The following NKAIN2 variants were observed in gnomAD, a reference collection of about 807,000 sequenced individuals.
NKAIN2 encodes the protein sodium/potassium-transporting ATPase subunit beta-1-interacting protein 2.
Under a neutral mutation model 32.6 loss-of-function variants are expected in NKAIN2, and 14 were observed. The ratio of observed to expected loss-of-function variants is 0.43; its 90% CI spans 0.28 to 0.67. NKAIN2 has a LOEUF of 0.67. NKAIN2 is among the 30% of genes least tolerant of loss of function. The probability of loss-of-function intolerance (pLI) is 0.17; values close to 1 mark genes in which losing one functional copy is unlikely to be tolerated. For missense variants in NKAIN2, 198 were observed against 258.3 expected, an observed-to-expected ratio of 0.77 and a Z score of 1.60; for synonymous variants, 80 against 87.2, an observed-to-expected ratio of 0.92 and a Z score of 0.46.
chr6:124,288,654 A>G (rs527921060), intron 2 of NKAIN2, among the ~76,000 whole-genome samples: 1 of 152,276 alleles, frequency 6.6e-6, no homozygotes, highest in East Asian at 1.9e-4. Flanking sequence ...ATATATGCAT[A>G]TGTACACATT....
At chr6:124,661,849 A>T (rs183143981) in intron 4 of NKAIN2, among the ~76,000 whole-genome samples, 1 of 152,156 alleles carries the variant, frequency 6.6e-6, no homozygotes, top group Non-Finnish European at 1.5e-5. Context: ...GAGGAGATCA[A>T]TTGGGGAGAT....
intron 1 of NKAIN2, among the ~76,000 whole-genome samples, chr6:124,237,792 G>A (rs2114759729): frequency 6.6e-6 from 1 of 152,108 alleles, no homozygotes; most frequent in Non-Finnish European, 1.5e-5. Flanking sequence ...GGCAAGAAGA[G>A]GATTCTTAGA....
chr6:124,819,044 G>A (rs1208045395), intron 6 of NKAIN2: 1 of 362,266 alleles, frequency 2.8e-6, no homozygotes, highest in African/African-American at 2.2e-5. Context: ...ACTCAGGAGA[G>A]CAGACATACA....
At chr6:124,785,868 T>C (rs935003342) in intron 4 of NKAIN2, among the ~76,000 whole-genome samples, 1 of 152,192 alleles carries the variant, frequency 6.6e-6, no homozygotes, top group Admixed American at 6.5e-5. Flanking sequence ...AGAGAGTGTC[T>C]GCCTTGTTAC....
intron 1 of NKAIN2, among the ~76,000 whole-genome samples, chr6:123,912,105 A>G (rs1400358945): frequency 6.6e-6 from 1 of 151,716 alleles, no homozygotes; most frequent in Non-Finnish European, 1.5e-5. Context: ...TTAGTACACC[A>G]ATTTCCATGT....
chr6:124,806,488 A>G lies in NKAIN2; in HGVS notation c.536-11899A>G, dbSNP rs1408429681. On this transcript the variant is annotated intron_variant, in intron 5 of 6. Coordinates refer to ENST00000368417, the MANE Select transcript of NKAIN2 (RefSeq NM_001040214.3). ...CTGCCTAAAAGAGCTCCTGAAGGAA[A>G]CACTAAACATGGAAAGGCACAACCG... Among the ~76,000 whole-genome samples, 422 of 151,660 alleles carry G rather than the reference A, an allele frequency of 2.8e-3. 1 individual carries two copies. Among genetic ancestry groups the G allele is most frequent in the African/African-American group, 8.0e-3 (327 of 40,952 alleles).
chr6:124,483,401 G>A (rs1777534266), intron 3 of NKAIN2, among the ~76,000 whole-genome samples: 1 of 152,044 alleles, frequency 6.6e-6, no homozygotes, highest in Non-Finnish European at 1.5e-5. Flanking sequence ...AGATAATAGA[G>A]CAAATCACTT....
In NKAIN2 at chr6:124,429,074, G is replaced by C. The variant is rs74597822; in HGVS notation, c.273+73727G>C. ...TATGTTTTGAGATAGAATTTCACTC[G>C]TTACCCAGGCTGGAGTGCAATGGTG... On this transcript the variant is annotated intron_variant, in intron 3 of 6. Transcript: ENST00000368417. 3.4e-3 allele frequency among the ~76,000 whole-genome samples: 511 copies of C among 152,108 alleles called. 2 individuals are homozygous for C. The highest frequency in any genetic ancestry group is 6.0e-3 in the Non-Finnish European group (411 of 68,010).
rs574219392 is a variant in NKAIN2 at position 124,655,059 on chromosome 6, T to A, written c.274-3127T>A. 3.9e-5 allele frequency among the ~76,000 whole-genome samples: 6 copies of A among 152,264 alleles called. No homozygotes were observed. In the South Asian group the frequency reaches 1.2e-3, roughly 31 times the overall value. On this transcript the variant is annotated intron_variant, in intron 3 of 6. Coordinates refer to ENST00000368417, the MANE Select transcript of NKAIN2 (RefSeq NM_001040214.3). Reference sequence around the variant, plus strand: ...AATCCAGCATAATTCGCTGCCAGTATTCTTGAAATTATGGAAGAAAAATCA... The same window carrying A: ...AATCCAGCATAATTCGCTGCCAGTAATCTTGAAATTATGGAAGAAAAATCA...
intron 1 of NKAIN2, among the ~76,000 whole-genome samples, chr6:124,121,223 A>G (rs1413496566): frequency 6.6e-6 from 1 of 152,030 alleles, no homozygotes; most frequent in Non-Finnish European, 1.5e-5. Flanking sequence ...CTTTTAATTT[A>G]TTAAGGGGAA....
At chr6:124,049,331 A>G (rs1015814880) in intron 1 of NKAIN2, among the ~76,000 whole-genome samples, 3 of 152,008 alleles carry the variant, frequency 2.0e-5, no homozygotes, top group Non-Finnish European at 2.9e-5. Context: ...AACATTCCCA[A>G]ATATATACTC....
At chr6:124,756,425 C>G (rs1037641980) in intron 4 of NKAIN2, among the ~76,000 whole-genome samples, 6 of 152,064 alleles carry the variant, frequency 3.9e-5, no homozygotes, top group African/African-American at 1.4e-4. Flanking sequence ...TTTCTTTACC[C>G]TTCCACTATG....
At chr6:124,165,347 G>T (rs1486246087) in intron 1 of NKAIN2, among the ~76,000 whole-genome samples, 2 of 151,968 alleles carry the variant, frequency 1.3e-5, no homozygotes, top group Non-Finnish European at 2.9e-5. Flanking sequence ...GGAATGGTCA[G>T]CCCTGAATTA....
intron 1 of NKAIN2, among the ~76,000 whole-genome samples, chr6:124,229,141 A>G (rs1413600586): frequency 6.6e-6 from 1 of 152,206 alleles, no homozygotes; most frequent in South Asian, 2.1e-4. Flanking sequence ...AGCTCAGATG[A>G]CAGTATTTAA....
At position 124,410,147 on chromosome 6, in the gene NKAIN2, C is replaced by T. The variant is rs1324047381; in HGVS notation, c.273+54800C>T. Among the ~76,000 whole-genome samples the T allele has an allele frequency of 4.6e-5, 7 of 152,190 alleles. No homozygotes were observed. In the South Asian group the frequency reaches 1.2e-3, roughly 27 times the overall value. ...TGTTGATCTTTTCAAAAAACCAGCT[C>T]CTGGATTCATTGATTTTTTGAAGGG... On this transcript the variant is annotated intron_variant, in intron 3 of 6. Coordinates refer to ENST00000368417, the MANE Select transcript of NKAIN2 (RefSeq NM_001040214.3).
intron 3 of NKAIN2, among the ~76,000 whole-genome samples, chr6:124,357,925 C>T (rs1249081016): frequency 6.8e-6 from 1 of 146,170 alleles, no homozygotes; most frequent in Non-Finnish European, 1.5e-5. Context: ...ATCCCTCCCC[C>T]AACCCGCACG....
At chr6:124,508,489 C>T (rs886151838) in intron 3 of NKAIN2, among the ~76,000 whole-genome samples, 1 of 123,304 alleles carries the variant, frequency 8.1e-6, no homozygotes, top group East Asian at 2.5e-4. Flanking sequence ...GGACTACAGG[C>T]GCCACCATGC....
At chr6:123,889,476 T>G (rs1773895186) in intron 1 of NKAIN2, among the ~76,000 whole-genome samples, 1 of 152,130 alleles carries the variant, frequency 6.6e-6, no homozygotes, top group East Asian at 1.9e-4. Flanking sequence ...GTAACTCATT[T>G]GCTACTGGTG....
chr6:123,970,820 T>C (rs1778304001), intron 1 of NKAIN2, among the ~76,000 whole-genome samples: 1 of 152,042 alleles, frequency 6.6e-6, no homozygotes, highest in African/African-American at 2.4e-5. Context: ...AGGCGGAGGT[T>C]GCTGTGAGCT....
Sources: gnomAD v4.1 joint callset for allele counts (sites outside exome capture counted in the v4.1 genomes callset) on GRCh38, gnomAD v4.1.1 for gene constraint, MANE v1.5 for transcripts, NCBI Gene and HGNC (gene_info 2026-07-23, HGNC 2026-07-21) for gene names.